Variants in PTCH1 observed in about 807,000 individuals in gnomAD.
PTCH1 encodes the protein patched 1.
In PTCH1, 14 loss-of-function variants were observed where a neutral mutation model predicts 144.6. That is an observed-to-expected ratio of 0.10 (90% CI 0.06 to 0.15). The LOEUF (loss-of-function observed/expected upper bound fraction) is 0.15. Among genes scored for constraint, PTCH1 ranks in the 10% least tolerant of loss-of-function variants. The probability of loss-of-function intolerance (pLI) is 1.00; values close to 1 mark genes in which losing one functional copy is unlikely to be tolerated. For synonymous variants in PTCH1, 833 were observed against 793.6 expected (o/e 1.05, Z -0.83); for missense variants, 1,623 against 1,948.3 (o/e 0.83, Z 3.14).
At chr9:95,462,175 C>G (rs1313766448) in intron 15 of PTCH1, among the ~76,000 whole-genome samples, 177 bp from the exon 16 acceptor site, 1 of 152,196 alleles carries the variant, frequency 6.6e-6, no homozygotes, top group Non-Finnish European at 1.5e-5. Flanking sequence ...CATGAATGAA[C>G]TGCAGCTGCT....
chr9:95,486,595 C>G (rs1841980030), intron 2 of PTCH1, among the ~76,000 whole-genome samples: 1 of 152,236 alleles, frequency 6.6e-6, no homozygotes, highest in African/African-American at 2.4e-5. Flanking sequence ...GACCCTGAAC[C>G]TGCTGCCCAG....
intron 2 of PTCH1, among the ~76,000 whole-genome samples, chr9:95,505,232 A>G (rs1843475008): frequency 6.6e-6 from 1 of 152,206 alleles, no homozygotes; most frequent in Non-Finnish European, 1.5e-5. Flanking sequence ...GAAAGGGATC[A>G]CTGAAGCGAT....
intron 20 of PTCH1, chr9:95,450,909 C>T (rs1223568366): frequency 6.6e-6 from 1 of 152,132 alleles, no homozygotes; most frequent in African/African-American, 2.4e-5. Flanking sequence ...AGGGCACAGA[C>T]TCCACGCAGG....
At position 95,491,967 on chromosome 9, in the gene PTCH1, A is replaced by C. The variant is rs1448045527; in HGVS notation, c.395-6093T>G. Among the ~76,000 whole-genome samples, 3 of 152,238 alleles carry C rather than the reference A, an allele frequency of 2.0e-5. No individual in the cohort carries two copies. The East Asian group carries it at 5.8e-4, about 29-fold the overall frequency. Reference sequence around the variant, plus strand: ...ACTAACGCATCGTGCATTCACAACCAAACAGGAAATCATGTCAATTCATAA... The same window carrying C: ...ACTAACGCATCGTGCATTCACAACCCAACAGGAAATCATGTCAATTCATAA... On this transcript the variant is annotated intron_variant, in intron 2 of 23. Transcript: ENST00000331920.
chr9:95,456,512 T>C (rs1838943511), intron 18 of PTCH1, 99 bp from the exon 19 acceptor site: 1 of 1,456,468 alleles, frequency 6.9e-7, no homozygotes, highest in South Asian at 1.2e-5. Context: ...TCGGTTCAGA[T>C]CAAAACAATG....
chr9:95,506,267 AAAC>A (rs1843622556), intron 2 of PTCH1, 137 bp downstream of exon 2: 2 of 984,658 alleles, frequency 2.0e-6, no homozygotes, highest in East Asian at 3.0e-5. Context: ...CCAGGCGCCC[AAAC>A]AATAAACAAT....
Position 95,508,388 on chromosome 9 carries a change from G to C in PTCH1, c.-27C>G, listed in dbSNP as rs1587701385. 2.7e-6 allele frequency: 3 copies of C among 1,099,272 alleles called. No individual in the cohort carries two copies. Among genetic ancestry groups the C allele is most frequent in the African/African-American group, 1.8e-5 (1 of 57,028 alleles). 68.1% of individuals were successfully genotyped at this position (1,099,272 alleles called of 1,614,324 possible). ...TTGCCGCCGCCGCCGCCGCCGCCGC[G>C]GGGACGGAGGCTTCCCGGGCGGCCC... On this transcript the variant is annotated 5_prime_UTR_variant, in exon 1 of 24. Transcript: ENST00000331920.
rs1837791885 is a variant in PTCH1, at chr9:95,445,329, G to C, written c.*1064C>G. ...TGGGGGAGGGGTCGTGTGTGTGTTG[G>C]TCAGAAGAGGGGCACCATGCTGCAT... On this transcript the variant is annotated 3_prime_UTR_variant, in exon 24 of 24. Coordinates refer to ENST00000331920, the MANE Select transcript of PTCH1 (RefSeq NM_000264.5). 6.6e-6 allele frequency: 1 copy of C among 152,096 alleles called. No homozygotes were observed. The highest frequency in any genetic ancestry group is 6.6e-5 in the Admixed American group (1 of 15,264). The allele number at this position is 152,096 out of a possible 1,614,324, so 9.4% of individuals were successfully genotyped here.
At chr9:95,485,898 TTAGAA>T (rs769551169) in intron 2 of PTCH1, 24 bp from the exon 3 acceptor site, 17 of 1,613,402 alleles carry the variant, frequency 1.1e-5, no homozygotes, top group Non-Finnish European at 1.4e-5. Flanking sequence ...ACAGGTTTAA[TTAGAA>T]TAGCAAAATC....
At chr9:95,459,860 G>A (rs1262522423) in intron 16 of PTCH1, 77 bp from the exon 17 acceptor site, 1 of 1,469,028 alleles carries the variant, frequency 6.8e-7, no homozygotes, top group Non-Finnish European at 9.4e-7. Flanking sequence ...GAGCACAGAA[G>A]CTGAGCTTCG....
At chr9:95,457,498 G>A (rs1839045234) in intron 18 of PTCH1, among the ~76,000 whole-genome samples, 1 of 152,042 alleles carries the variant, frequency 6.6e-6, no homozygotes, top group South Asian at 2.1e-4. Flanking sequence ...CAAAATCTGA[G>A]AGTATTTTGG....
At chr9:95,492,634 C>A (rs1306881943) in intron 2 of PTCH1, among the ~76,000 whole-genome samples, 1 of 151,814 alleles carries the variant, frequency 6.6e-6, no homozygotes, top group Non-Finnish European at 1.5e-5. Flanking sequence ...GTGAATATCA[C>A]CCCCCCTTAA....
At chr9:95,462,797 C>T (rs1839615469) in intron 15 of PTCH1, among the ~76,000 whole-genome samples, 1 of 152,214 alleles carries the variant, frequency 6.6e-6, no homozygotes, top group South Asian at 2.1e-4. Context: ...CTTTCTGGGC[C>T]TGGGGGATGG....
At chr9:95,472,347 T>C (rs1180700938) in intron 12 of PTCH1, among the ~76,000 whole-genome samples, 1 of 149,180 alleles carries the variant, frequency 6.7e-6, no homozygotes, top group Non-Finnish European at 1.5e-5. Flanking sequence ...GCCAAGCCCC[T>C]AGCTCAGCTG....
chr9:95,497,105 T>C (rs1842847060), intron 2 of PTCH1, among the ~76,000 whole-genome samples: 1 of 152,242 alleles, frequency 6.6e-6, no homozygotes, highest in South Asian at 2.1e-4. Flanking sequence ...CAGGAGAATA[T>C]TGGCGCAGGT....
At chr9:95,507,485 C>G (rs1252792012) in intron 1 of PTCH1, 1 of 971,182 alleles carries the variant, frequency 1.0e-6, no homozygotes, top group Non-Finnish European at 1.2e-6. Flanking sequence ...AGACTCGCAC[C>G]GCGAATTTAA....
rs57068466 is a variant in PTCH1, at chr9:95,463,885, G to A, written c.2561-1887C>T. ...CTGGCCTACAGTGCGGGGACACACC[G>A]TGGTACCCAAGGATGTGTCAAAGGC... is the stretch of plus-strand genomic sequence containing the variant. On this transcript the variant is annotated intron_variant, in intron 15 of 23. Transcript: ENST00000331920. Among the ~76,000 whole-genome samples the A allele has an allele frequency of 0.016, 2,450 of 152,292 alleles. 59 individuals are homozygous for A. Among genetic ancestry groups the A allele is most frequent in the African/African-American group, 0.056 (2,321 of 41,556 alleles).
rs2118042742 is a variant in PTCH1, at chr9:95,468,954, A to G, written c.2047T>C (p.Ser683Pro). ...HVYYTTAEPRSEISVQPVTVT... is the reference protein window; with the variant it reads ...HVYYTTAEPRPEISVQPVTVT... ...GTGACGGGCTGCACAGAGATCTCGG[A>G]GCGCGGCTCAGCGGTGGTGTAGTAC... Residue 683 changes from serine (S) to proline (P), a missense_variant, in exon 14 of 24, where the codon TCC (serine) becomes CCC (proline). This residue lies in a region of PTCH1 where 179 missense variants were observed against 165.7 expected (regional missense o/e 1.08). Transcript: ENST00000331920. The G allele has an allele frequency of 6.2e-7, 1 of 1,613,976 alleles. No individual in the cohort carries two copies. The highest frequency in any genetic ancestry group is 1.1e-5 in the South Asian group (1 of 91,052).
chr9:95,491,290 C>T (rs552492955), intron 2 of PTCH1, among the ~76,000 whole-genome samples: 3 of 152,296 alleles, frequency 2.0e-5, no homozygotes, highest in East Asian at 1.9e-4. Flanking sequence ...GAATGGAAAC[C>T]GGAAGACCCC....
Sources: gnomAD v4.1 joint callset for allele counts (sites outside exome capture counted in the v4.1 genomes callset) on GRCh38, gnomAD v4.1.1 for gene constraint, gnomAD v4.1.1 regional missense constraint, MANE v1.5 for transcripts, NCBI Gene and HGNC (gene_info 2026-07-23, HGNC 2026-07-21) for gene names.